Variants in GPC5 observed in about 807,000 individuals in gnomAD.
GPC5 encodes the protein glypican 5.
In GPC5, 47 loss-of-function variants were observed where a neutral mutation model predicts 53.9. The observed-to-expected ratio is 0.87, with a 90% CI of 0.69 to 1.11. The LOEUF (loss-of-function observed/expected upper bound fraction) is 1.11. Ranked by LOEUF, GPC5 falls within the 50% of genes most tolerant of loss-of-function variation. The pLI, the probability that GPC5 is intolerant of heterozygous loss-of-function variation, is 0.00. For missense variants in GPC5, 748 were observed against 713.1 expected, an observed-to-expected ratio of 1.05 and a Z score of -0.56; for synonymous variants, 286 against 263.3, an observed-to-expected ratio of 1.09 and a Z score of -0.84.
chr13:92,141,776 G>C (rs940791876), intron 6 of GPC5, among the ~76,000 whole-genome samples: 6 of 152,154 alleles, frequency 3.9e-5, no homozygotes, highest in African/African-American at 1.4e-4. Context: ...TGGGAGCTGA[G>C]GGGGAGAATC....
chr13:91,503,344 A>G (rs1019523741), intron 2 of GPC5, among the ~76,000 whole-genome samples: 3 of 152,186 alleles, frequency 2.0e-5, no homozygotes, highest in Admixed American at 6.5e-5. Context: ...CAATTTATTA[A>G]TAATAATAAA....
Position 91,478,822 on chromosome 13 carries a change from T to TATATATATATATATATATATAC in GPC5, c.325+29901_325+29902insTATATATATATATATATATACA, listed in dbSNP as rs1323023652. ...ATATATATATATATATATATATATATACACACACACACATATATATACACA... is the reference window on the plus strand; with the variant it reads ...ATATATATATATATATATATATATATATATATATATATATATATATACACACACACACACATATATATACACA... On this transcript the variant is annotated intron_variant, in intron 2 of 7. Coordinates refer to ENST00000377067, the MANE Select transcript of GPC5 (RefSeq NM_004466.6). Among the ~76,000 whole-genome samples, 90 of 92,130 alleles carry TATATATATATATATATATATAC rather than the reference T, an allele frequency of 9.8e-4. 1 individual carries two copies. The highest frequency in any genetic ancestry group is 4.1e-3 in the African/African-American group (80 of 19,330). 60.4% of individuals were successfully genotyped at this position (92,130 alleles called of 152,430 possible). A position where few individuals can be genotyped will look rare whatever the true frequency, so the allele number is the denominator to read the frequency against.
intron 6 of GPC5, among the ~76,000 whole-genome samples, chr13:92,119,567 A>ATTTTTT (rs59391576): frequency 1.7e-4 from 12 of 70,618 alleles, no homozygotes; most frequent in South Asian, 7.3e-4. Flanking sequence ...CGCCTGGCTA[A>ATTTTTT]TTTTTTTTTT....
chr13:92,326,651 T>A (rs2043253468), intron 7 of GPC5, among the ~76,000 whole-genome samples: 2 of 152,160 alleles, frequency 1.3e-5, no homozygotes, highest in African/African-American at 4.8e-5. Context: ...GCTTCTACTA[T>A]AATAACTGGT....
chr13:92,603,293 A>ATT (rs534498736), intron 7 of GPC5, among the ~76,000 whole-genome samples: 2 of 149,798 alleles, frequency 1.3e-5, no homozygotes, highest in Admixed American at 1.3e-4. Context: ...GAACAACAGC[A>ATT]TTTTTTTTTT....
chr13:91,772,052 C>T (rs1273756251), intron 5 of GPC5, among the ~76,000 whole-genome samples: 1 of 152,174 alleles, frequency 6.6e-6, no homozygotes, highest in Admixed American at 6.6e-5. Context: ...CCGAACACTG[C>T]TTGCCAACCT....
At chr13:91,478,347 C>A (rs1346533792) in intron 2 of GPC5, among the ~76,000 whole-genome samples, 1 of 151,884 alleles carries the variant, frequency 6.6e-6, no homozygotes, top group Non-Finnish European at 1.5e-5. Context: ...ATGTACAAAT[C>A]CCTTTCCATT....
At chr13:91,751,859 G>A (rs1050075307) in intron 4 of GPC5, among the ~76,000 whole-genome samples, 1 of 152,138 alleles carries the variant, frequency 6.6e-6, no homozygotes, top group Non-Finnish European at 1.5e-5. Context: ...AATGCTCACT[G>A]TACAGCAAAT....
chr13:92,139,532 T>C (rs1051273109), intron 6 of GPC5, among the ~76,000 whole-genome samples: 2 of 152,026 alleles, frequency 1.3e-5, no homozygotes, highest in African/African-American at 4.8e-5. Flanking sequence ...CCAGACATGG[T>C]GGCATGCGCC....
chr13:91,591,634 TA>T (rs2032803200), intron 2 of GPC5, among the ~76,000 whole-genome samples: 1 of 152,246 alleles, frequency 6.6e-6, no homozygotes, highest in Admixed American at 6.5e-5. Context: ...GTTCATTTTT[TA>T]AAATTCCTTT....
chr13:92,469,170 TC>T (rs1878813874), intron 7 of GPC5, among the ~76,000 whole-genome samples: 1 of 152,106 alleles, frequency 6.6e-6, no homozygotes, highest in South Asian at 2.1e-4. Flanking sequence ...ATTTAAAACA[TC>T]CAAGTAGGTT....
chr13:91,542,631 C>T (rs1406652400), intron 2 of GPC5, among the ~76,000 whole-genome samples: 1 of 152,162 alleles, frequency 6.6e-6, no homozygotes, highest in East Asian at 1.9e-4. Context: ...CTCCTTAGGG[C>T]TCGTCATGTG....
At chr13:92,227,726 A>T (rs1401879904) in intron 7 of GPC5, among the ~76,000 whole-genome samples, 1 of 152,182 alleles carries the variant, frequency 6.6e-6, no homozygotes, top group Non-Finnish European at 1.5e-5. Flanking sequence ...CAGTAAAAAA[A>T]ATTCATGTAT....
chr13:91,572,016 C>T (rs1431791166), intron 2 of GPC5, among the ~76,000 whole-genome samples: 2 of 135,526 alleles, frequency 1.5e-5, no homozygotes, highest in Non-Finnish European at 3.1e-5. Context: ...TGCATATATG[C>T]ATATACGTGT....
At chr13:92,319,757 CA>C (rs2043203940) in intron 7 of GPC5, among the ~76,000 whole-genome samples, 1 of 152,136 alleles carries the variant, frequency 6.6e-6, no homozygotes, top group Non-Finnish European at 1.5e-5. Flanking sequence ...ATGTATCACA[CA>C]TGTTATACGT....
chr13:92,346,601 C>T (rs546733603), intron 7 of GPC5, among the ~76,000 whole-genome samples: 47 of 152,148 alleles, frequency 3.1e-4, no homozygotes, highest in South Asian at 2.3e-3. Flanking sequence ...AAGAGGAGGC[C>T]GTCTCCTCAA....
chr13:92,404,051 T>C (rs1875679237), intron 7 of GPC5, among the ~76,000 whole-genome samples: 2 of 152,230 alleles, frequency 1.3e-5, no homozygotes, highest in Non-Finnish European at 2.9e-5. Context: ...TTCATTTAAC[T>C]GCATTATGAA....
chr13:92,781,033 G>A (rs1024104007), intron 7 of GPC5, among the ~76,000 whole-genome samples: 4 of 152,060 alleles, frequency 2.6e-5, no homozygotes, highest in Admixed American at 1.3e-4. Flanking sequence ...ACGTGCACAC[G>A]CACACATATA....
At chr13:91,776,705 A>G (rs1322896510) in intron 5 of GPC5, among the ~76,000 whole-genome samples, 1 of 152,174 alleles carries the variant, frequency 6.6e-6, no homozygotes, top group African/African-American at 2.4e-5. Context: ...GCCTGTGATG[A>G]GCAACTGAAT....
Sources: gnomAD v4.1 joint callset for allele counts (sites outside exome capture counted in the v4.1 genomes callset) on GRCh38, gnomAD v4.1.1 for gene constraint, MANE v1.5 for transcripts, NCBI Gene and HGNC (gene_info 2026-07-23, HGNC 2026-07-21) for gene names.